The following EPHA5 variants were observed in gnomAD, a reference collection of about 807,000 sequenced individuals.
EPHA5 encodes ephrin type-A receptor 5.
A neutral mutation model predicts 105.0 loss-of-function variants in EPHA5; 60 were observed. The ratio of observed to expected loss-of-function variants is 0.57; its 90% CI spans 0.46 to 0.71. The LOEUF is 0.71. EPHA5 is among the 30% of genes least tolerant of loss of function. The pLI, the probability that EPHA5 is intolerant of heterozygous loss-of-function variation, is 0.00. For missense variants in EPHA5, 1,218 were observed against 1,274.7 expected (o/e 0.96, Z 0.68); for synonymous variants, 513 against 449.1 (o/e 1.14, Z -1.80).
intron 3 of EPHA5, among the ~76,000 whole-genome samples, chr4:65,525,920 T>A (rs1735185609): frequency 6.6e-6 from 1 of 151,602 alleles, no homozygotes; most frequent in South Asian, 2.1e-4. Context: ...CAGGCGCTGA[T>A]TATAAAGAGA....
At chr4:65,343,336 C>A (rs1352813016) in intron 14 of EPHA5, among the ~76,000 whole-genome samples, 2 of 152,034 alleles carry the variant, frequency 1.3e-5, no homozygotes, top group Non-Finnish European at 2.9e-5. Context: ...ATTGTCATTA[C>A]AGGTTTTCTT....
intron 3 of EPHA5, among the ~76,000 whole-genome samples, chr4:65,526,977 A>G (rs887307546): frequency 1.3e-5 from 2 of 152,156 alleles, no homozygotes; most frequent in Non-Finnish European, 1.5e-5. Context: ...TTTCCTCTAA[A>G]TGGGTAAGTG....
chr4:65,449,183 A>G (rs1350258240), intron 5 of EPHA5, among the ~76,000 whole-genome samples: 1 of 152,180 alleles, frequency 6.6e-6, no homozygotes, highest in African/African-American at 2.4e-5. Flanking sequence ...TTTAACTATG[A>G]CCAGGCAATT....
At chr4:65,530,812 C>A in intron 3 of EPHA5, among the ~76,000 whole-genome samples, 1 of 152,024 alleles carries the variant, frequency 6.6e-6, no homozygotes, top group East Asian at 1.9e-4. Flanking sequence ...CCCATTCTTT[C>A]CTTTTTGCTT....
chr4:65,580,370 C>T (rs540133640), intron 3 of EPHA5, among the ~76,000 whole-genome samples: 101 of 151,752 alleles, frequency 6.7e-4, no homozygotes, highest in Non-Finnish European at 1.1e-3. Context: ...AAACTAAATG[C>T]TACTTTAAAT....
chr4:65,483,673 G>A (rs1402613069), intron 5 of EPHA5, among the ~76,000 whole-genome samples: 3 of 152,152 alleles, frequency 2.0e-5, no homozygotes, highest in African/African-American at 4.8e-5. Flanking sequence ...TTAGGGTCAC[G>A]TGATGAATGA....
At chr4:65,602,815 A>G (rs1193528202) in intron 2 of EPHA5, among the ~76,000 whole-genome samples, 2 of 152,186 alleles carry the variant, frequency 1.3e-5, no homozygotes, top group Non-Finnish European at 2.9e-5. Context: ...TAAATCTGTC[A>G]TGTCACAAAT....
At chr4:65,464,311 A>G (rs954397287) in intron 5 of EPHA5, among the ~76,000 whole-genome samples, 1 of 152,024 alleles carries the variant, frequency 6.6e-6, no homozygotes, top group Non-Finnish European at 1.5e-5. Flanking sequence ...GAACCACTTT[A>G]AAATTACTGA....
chr4:65,485,733 G>A lies in EPHA5; in HGVS notation c.1402+4644C>T, dbSNP rs189863850. On this transcript the variant is annotated intron_variant, in intron 5 of 16. Coordinates refer to ENST00000613740, the MANE Select transcript of EPHA5 (RefSeq NM_001281766.3). ...ATCTGGACATTCATTGTTGTCACAC[G>A]CACAGAAATACATTGTTGGAATGCA... Among the ~76,000 whole-genome samples, 659 of 152,072 alleles carry A rather than the reference G, an allele frequency of 4.3e-3. 17 individuals carry two copies. Among genetic ancestry groups the A allele is most frequent in the Admixed American group, 0.04 (606 of 15,264 alleles).
intron 3 of EPHA5, among the ~76,000 whole-genome samples, chr4:65,510,360 T>C (rs2149259247): frequency 6.6e-6 from 1 of 152,142 alleles, no homozygotes; most frequent in East Asian, 1.9e-4. Flanking sequence ...ATACTTCTGT[T>C]AGCAAGACTT....
At chr4:65,550,520 T>C (rs560260336) in intron 3 of EPHA5, among the ~76,000 whole-genome samples, 16 of 152,238 alleles carry the variant, frequency 1.1e-4, no homozygotes, top group African/African-American at 3.6e-4. Flanking sequence ...TCATATCCAG[T>C]AGCTTTTAAG....
rs1560441824 is a variant in EPHA5, at chr4:65,351,606, G to GACAATGTAA, written c.2236-9_2236-8insTTACATTGT. 1.2e-6 allele frequency: 2 copies of GACAATGTAA among 1,612,582 alleles called. No homozygotes were observed. Among genetic ancestry groups the GACAATGTAA allele is most frequent in the Admixed American group, 3.3e-5 (2 of 59,860 alleles). On this transcript the variant is annotated splice_polypyrimidine_tract_variant and intron_variant, in intron 12 of 16. Transcript: ENST00000613740. ...GAACTGCCCATCGTTTTTCTGTAAA[G>GACAATGTAA]ACAATGTAGAAATATTAGTCTAGCA...
At chr4:65,399,754 C>T (rs1353488840) in intron 8 of EPHA5, among the ~76,000 whole-genome samples, 1 of 152,172 alleles carries the variant, frequency 6.6e-6, no homozygotes, top group African/African-American at 2.4e-5. Context: ...AAAAGTGAAG[C>T]TCTGCATGCT....
intron 2 of EPHA5, among the ~76,000 whole-genome samples, chr4:65,618,464 A>C (rs1411990175): frequency 1.3e-5 from 2 of 152,188 alleles, no homozygotes; most frequent in Non-Finnish European, 1.5e-5. Context: ...GCTTTAATTG[A>C]AAATATCAGT....
Position 65,322,905 on chromosome 4 carries a change from G to A in EPHA5, c.*1209C>T, listed in dbSNP as rs768807339. On this transcript the variant is annotated 3_prime_UTR_variant, in exon 17 of 17. Coordinates refer to ENST00000613740, the MANE Select transcript of EPHA5 (RefSeq NM_001281766.3). ...TTAGAGTCAAAATTTCTAGAACTGAGTCAAAATGGGAATGGTTACAACGGA... is the reference window on the plus strand; with the variant it reads ...TTAGAGTCAAAATTTCTAGAACTGAATCAAAATGGGAATGGTTACAACGGA... 6.1e-5 allele frequency: 14 copies of A among 229,182 alleles called. 1 individual carries two copies. Among genetic ancestry groups the A allele is most frequent in the South Asian group, 3.6e-4 (2 of 5,506 alleles). 14.2% of individuals were successfully genotyped at this position (229,182 alleles called of 1,614,324 possible).
intron 3 of EPHA5, among the ~76,000 whole-genome samples, chr4:65,579,965 A>G (rs1578483493): frequency 1.3e-5 from 2 of 151,982 alleles, no homozygotes; most frequent in East Asian, 3.9e-4. Flanking sequence ...GAAATTTAAT[A>G]GTCTTTATTA....
chr4:65,576,063 GAAAAGAAAAGAAAAGAAAA>G (rs1740949463), intron 3 of EPHA5, among the ~76,000 whole-genome samples: 1 of 56,050 alleles, frequency 1.8e-5, no homozygotes, highest in African/African-American at 6.9e-5. Flanking sequence ...AGAAAGAAAA[GAAAAGAAAAGAAAAGAAAA>G]GAAAAGAAAA....
intron 3 of EPHA5, among the ~76,000 whole-genome samples, chr4:65,580,882 A>T (rs1741551345): frequency 6.6e-6 from 1 of 151,726 alleles, no homozygotes; most frequent in Non-Finnish European, 1.5e-5. Context: ...TTAAAAGACT[A>T]GCAATGGGAT....
intron 5 of EPHA5, among the ~76,000 whole-genome samples, chr4:65,440,801 T>C (rs980326276): frequency 6.6e-6 from 1 of 152,006 alleles, no homozygotes; most frequent in Non-Finnish European, 1.5e-5. Context: ...AAAAGCCTTG[T>C]CTCCGGAGCC....
Sources: allele counts gnomAD v4.1 joint callset (sites outside exome capture counted in the v4.1 genomes callset), GRCh38; gene constraint gnomAD v4.1.1; transcripts MANE v1.5; gene names NCBI Gene and HGNC (gene_info 2026-07-23, HGNC 2026-07-21).